Variants in BTBD9 observed in about 807,000 individuals in gnomAD.
BTBD9 encodes BTB/POZ domain-containing protein 9.
BTBD9 carries 49 observed loss-of-function variants against 64.3 expected under a neutral mutation model. The observed-to-expected ratio is 0.76, with a 90% CI of 0.61 to 0.97. The LOEUF (loss-of-function observed/expected upper bound fraction) is 0.97. Ranked by LOEUF, BTBD9 falls within the 50% of genes least tolerant of loss-of-function variation. The pLI, the probability that BTBD9 is intolerant of heterozygous loss-of-function variation, is 0.00. For synonymous variants in BTBD9, 260 were observed against 274.7 expected (o/e 0.95, Z 0.53); for missense variants, 598 against 762.1 (o/e 0.78, Z 2.53).
At chr6:38,577,989 C>T (rs1776129326) in intron 5 of BTBD9, among the ~76,000 whole-genome samples, 1 of 152,142 alleles carries the variant, frequency 6.6e-6, no homozygotes, top group Non-Finnish European at 1.5e-5. Context: ...TCCCCAGGGT[C>T]CTACACAGTG....
chr6:38,376,426 T>C (rs1338275440), intron 6 of BTBD9, among the ~76,000 whole-genome samples: 1 of 152,156 alleles, frequency 6.6e-6, no homozygotes. Flanking sequence ...GGAAAATTTA[T>C]CCTAAATGCT....
intron 7 of BTBD9, among the ~76,000 whole-genome samples, chr6:38,335,536 A>G (rs1763858962): frequency 6.6e-6 from 1 of 151,888 alleles, no homozygotes; most frequent in Non-Finnish European, 1.5e-5. Flanking sequence ...TACAGGCGTG[A>G]GCCACTGTGC....
At chr6:38,471,357 G>GGTCA (rs1424416495) in intron 6 of BTBD9, among the ~76,000 whole-genome samples, 1 of 152,110 alleles carries the variant, frequency 6.6e-6, no homozygotes, top group Admixed American at 6.5e-5. Context: ...AGGAAGATGA[G>GGTCA]GTCAGTGCAC....
chr6:38,577,074 C>T (rs1776072357), intron 6 of BTBD9, among the ~76,000 whole-genome samples: 1 of 152,172 alleles, frequency 6.6e-6, no homozygotes. Flanking sequence ...GCCCCAAATG[C>T]AACCCCACTT....
intron 7 of BTBD9, among the ~76,000 whole-genome samples, chr6:38,338,058 G>A (rs1172773137): frequency 1.3e-5 from 2 of 152,172 alleles, no homozygotes; most frequent in African/African-American, 2.4e-5. Context: ...CAGAGTTCTT[G>A]TGCTTCTGCT....
chr6:38,327,359 G>A (rs546267527), intron 7 of BTBD9, among the ~76,000 whole-genome samples: 4 of 152,008 alleles, frequency 2.6e-5, no homozygotes, highest in African/African-American at 4.8e-5. Flanking sequence ...CTGTTATATC[G>A]GATTATGAAG....
At chr6:38,393,060 G>A (rs1033086602) in intron 6 of BTBD9, among the ~76,000 whole-genome samples, 4 of 152,128 alleles carry the variant, frequency 2.6e-5, no homozygotes, top group Non-Finnish European at 5.9e-5. Flanking sequence ...TTTTTTAGTA[G>A]AGACAGGGTT....
At chr6:38,354,917 A>AG (rs1764659049) in intron 6 of BTBD9, among the ~76,000 whole-genome samples, 1 of 148,624 alleles carries the variant, frequency 6.7e-6, no homozygotes, top group African/African-American at 2.5e-5. Flanking sequence ...GACAGAGAGA[A>AG]AGAGAGAGAG....
At chr6:38,302,600 G>C (rs1762458278) in intron 7 of BTBD9, among the ~76,000 whole-genome samples, 1 of 149,522 alleles carries the variant, frequency 6.7e-6, no homozygotes, top group Non-Finnish European at 1.5e-5. Context: ...GAATTATGCT[G>C]TAATAAACAT....
intron 6 of BTBD9, among the ~76,000 whole-genome samples, chr6:38,355,613 GT>G (rs1488471378): frequency 6.6e-6 from 1 of 152,196 alleles, no homozygotes; most frequent in East Asian, 1.9e-4. Context: ...AAGAAAGGAC[GT>G]TTTTTAATAT....
chr6:38,275,160 A>G (rs1176265550), intron 8 of BTBD9, among the ~76,000 whole-genome samples: 4 of 152,248 alleles, frequency 2.6e-5, no homozygotes, highest in Non-Finnish European at 4.4e-5. Context: ...ATATAGATCA[A>G]TGGAACAGAA....
chr6:38,189,206 G>A lies in BTBD9; in HGVS notation c.1641+3313C>T, dbSNP rs576251139. ...TCTCCAGCCTCCTGTCCTATGCTGC[G>A]GCCCTCCCCAGCTCCACGAAGTGCT... is the stretch of plus-strand genomic sequence containing the variant. On this transcript the variant is annotated intron_variant, in intron 10 of 10. Transcript: ENST00000481247. 6.6e-5 allele frequency among the ~76,000 whole-genome samples: 10 copies of A among 152,158 alleles called. No individual in the cohort carries two copies. In the South Asian group the frequency reaches 1.0e-3, roughly 16 times the overall value.
At chr6:38,199,973 T>C (rs1299060032) in intron 9 of BTBD9, among the ~76,000 whole-genome samples, 1 of 152,176 alleles carries the variant, frequency 6.6e-6, no homozygotes, top group Non-Finnish European at 1.5e-5. Context: ...CAAAGCTCTA[T>C]TTTAGGACCT....
intron 7 of BTBD9, among the ~76,000 whole-genome samples, chr6:38,306,537 AT>A: frequency 6.6e-6 from 1 of 152,354 alleles, no homozygotes; most frequent in African/African-American, 2.4e-5. Flanking sequence ...GTGTATGAAT[AT>A]TGGAATGACT....
chr6:38,417,663 A>G (rs2127270048), intron 6 of BTBD9, among the ~76,000 whole-genome samples: 1 of 152,132 alleles, frequency 6.6e-6, no homozygotes, highest in African/African-American at 2.4e-5. Flanking sequence ...AGTCCCAGCT[A>G]CTTGGGGGCT....
At chr6:38,581,358 T>C (rs1776277793) in intron 4 of BTBD9, among the ~76,000 whole-genome samples, 1 of 152,360 alleles carries the variant, frequency 6.6e-6, no homozygotes, top group South Asian at 2.1e-4. Context: ...TATATGAATA[T>C]GCTGAAATTA....
chr6:38,354,771 C>A (rs1016175784), intron 6 of BTBD9, among the ~76,000 whole-genome samples: 7 of 151,946 alleles, frequency 4.6e-5, no homozygotes, highest in African/African-American at 1.7e-4. Flanking sequence ...GCAATTTGAG[C>A]ATCAATAAAC....
Position 38,630,382 on chromosome 6 carries a change from G to A in BTBD9, c.-28+9418C>T, listed in dbSNP as rs574411997. Among the ~76,000 whole-genome samples the A allele has an allele frequency of 9.9e-5, 15 of 152,282 alleles. No individual in the cohort carries two copies. The Middle Eastern group carries it at 0.01, about 104-fold the overall frequency. On this transcript the variant is annotated intron_variant, in intron 1 of 10. Transcript: ENST00000481247. ...TGATGAAATATGAATAAAGCCTATA[G>A]GTTAGCTACAACGATAGTATTTAAT...
At chr6:38,450,230 G>C (rs1305647495) in intron 6 of BTBD9, among the ~76,000 whole-genome samples, 3 of 152,226 alleles carry the variant, frequency 2.0e-5, no homozygotes, top group African/African-American at 7.2e-5. Context: ...TAGAAGTACA[G>C]AGTGAAATGG....
Sources: gnomAD v4.1 joint callset for allele counts (sites outside exome capture counted in the v4.1 genomes callset) on GRCh38, gnomAD v4.1.1 for gene constraint, MANE v1.5 for transcripts, NCBI Gene and HGNC (gene_info 2026-07-23, HGNC 2026-07-21) for gene names.